Variants in ADAM10 observed in about 807,000 individuals in gnomAD.
The protein encoded by ADAM10 is ADAM metallopeptidase domain 10, also known as disintegrin and metalloproteinase domain-containing protein 10.
Under a neutral mutation model 90.1 loss-of-function variants are expected in ADAM10, and 17 were observed. That is an observed-to-expected ratio of 0.19 (90% CI 0.13 to 0.28). The LOEUF is 0.28. ADAM10 is among the 10% of genes least tolerant of loss of function. The pLI, the probability that ADAM10 is intolerant of heterozygous loss-of-function variation, is 1.00. For missense variants in ADAM10, 610 were observed against 914.3 expected, an observed-to-expected ratio of 0.67 and a Z score of 4.29; for synonymous variants, 310 against 298.6, an observed-to-expected ratio of 1.04 and a Z score of -0.40.
intron 4 of ADAM10, among the ~76,000 whole-genome samples, chr15:58,666,745 C>T (rs1897091002): frequency 6.6e-6 from 1 of 151,960 alleles, no homozygotes; most frequent in Admixed American, 6.6e-5. Context: ...TTTATTTCTT[C>T]GCAAACTGAA....
At chr15:58,738,778 T>C (rs1482746096) in intron 1 of ADAM10, among the ~76,000 whole-genome samples, 1 of 152,260 alleles carries the variant, frequency 6.6e-6, no homozygotes, top group Non-Finnish European at 1.5e-5. Flanking sequence ...GTAAGATTTC[T>C]ATGCTGATTT....
intron 1 of ADAM10, among the ~76,000 whole-genome samples, chr15:58,745,645 G>A (rs143184074): frequency 1.3e-5 from 2 of 152,246 alleles, no homozygotes; most frequent in African/African-American, 2.4e-5. Flanking sequence ...TGGATAAGGG[G>A]TCACAGTCAA....
intron 11 of ADAM10, among the ~76,000 whole-genome samples, chr15:58,614,092 G>C (rs1895531574): frequency 6.6e-6 from 1 of 152,154 alleles, no homozygotes; most frequent in Non-Finnish European, 1.5e-5. Context: ...TGGATCACTT[G>C]TCAGGAGCTT....
At chr15:58,697,338 C>T (rs181392361) in intron 2 of ADAM10, among the ~76,000 whole-genome samples, 5 of 152,188 alleles carry the variant, frequency 3.3e-5, no homozygotes, top group Admixed American at 1.3e-4. Flanking sequence ...CCCTTCCCTC[C>T]CCAGTGGCAG....
At chr15:58,669,953 C>A (rs750616741) in intron 4 of ADAM10, among the ~76,000 whole-genome samples, 1 of 151,888 alleles carries the variant, frequency 6.6e-6, no homozygotes, top group African/African-American at 2.4e-5. Context: ...AAGAGGGTAG[C>A]GGGGAGTAGA....
intron 1 of ADAM10, among the ~76,000 whole-genome samples, chr15:58,729,036 G>A (rs1187110931): frequency 3.3e-5 from 5 of 152,128 alleles, no homozygotes; most frequent in Admixed American, 6.5e-5. Context: ...AAGACCAGAA[G>A]GTCCAATTCA....
In ADAM10 at chr15:58,597,759, G is replaced by T. The variant is rs1595977907; in HGVS notation, c.2153-118C>A. 5 of 1,010,976 alleles carry T rather than the reference G, an allele frequency of 4.9e-6. No homozygotes were observed. In the East Asian group the frequency reaches 1.3e-4, roughly 27 times the overall value. The allele number at this position is 1,010,976 out of a possible 1,614,324, so 62.6% of individuals were successfully genotyped here. On this transcript the variant is annotated intron_variant, in intron 15 of 15. Coordinates refer to ENST00000260408, the MANE Select transcript of ADAM10 (RefSeq NM_001110.4). ...AGTTCAGTGCTGTCCAATAATATGG[G>T]CCATCAATGTAATTTAAAATCTTCT...
In ADAM10 at chr15:58,685,545, AATATATATATATATATATAT is replaced by A. The variant is rs56776777; in HGVS notation, c.207-3251_207-3232del. Among the ~76,000 whole-genome samples the A allele has an allele frequency of 5.7e-3, 664 of 116,222 alleles. 7 individuals are homozygous for A. Among genetic ancestry groups the A allele is most frequent in the Non-Finnish European group, 8.2e-3 (438 of 53,706 alleles). 76.2% of individuals were successfully genotyped at this position (116,222 alleles called of 152,430 possible). A position where few individuals can be genotyped will look rare whatever the true frequency, so the allele number is the denominator to read the frequency against. ...TTTTAAAAACAAGAATATGAAGGAG[AATATATATATATATATATAT>A]ATATATATATATATATATGTATATA... On this transcript the variant is annotated intron_variant, in intron 2 of 15. Coordinates refer to ENST00000260408, the MANE Select transcript of ADAM10 (RefSeq NM_001110.4).
intron 14 of ADAM10, among the ~76,000 whole-genome samples, chr15:58,607,567 T>A (rs1188874186): frequency 1.3e-5 from 2 of 152,192 alleles, no homozygotes; most frequent in African/African-American, 2.4e-5. Context: ...GTGCTCTAAA[T>A]CTTTCATTCA....
chr15:58,702,862 A>G (rs1208651151), intron 2 of ADAM10, among the ~76,000 whole-genome samples: 3 of 152,224 alleles, frequency 2.0e-5, no homozygotes. Flanking sequence ...GGTAAATAGT[A>G]GAAAGAAGCC....
At chr15:58,720,563 G>T (rs1040998095) in intron 1 of ADAM10, among the ~76,000 whole-genome samples, 2 of 151,658 alleles carry the variant, frequency 1.3e-5, no homozygotes, top group African/African-American at 4.8e-5. Flanking sequence ...CACCACGCCC[G>T]GCTAATTTTT....
chr15:58,597,324 A>C lies in ADAM10; in HGVS notation c.*223T>G. ...GCCATTAAGTTAAAAATATCTGTTC[A>C]TAAGAAAATTGGGTTCCTTTTCCAC... On this transcript the variant is annotated 3_prime_UTR_variant, in exon 16 of 16. Coordinates refer to ENST00000260408, the MANE Select transcript of ADAM10 (RefSeq NM_001110.4). 6.8e-7 allele frequency: 1 copy of C among 1,467,594 alleles called. No individual in the cohort carries two copies. The highest frequency in any genetic ancestry group is 9.2e-7 in the Non-Finnish European group (1 of 1,088,800). The allele number at this position is 1,467,594 out of a possible 1,614,324, so 90.9% of individuals were successfully genotyped here.
chr15:58,691,864 C>T (rs1233915068), intron 2 of ADAM10, among the ~76,000 whole-genome samples: 3 of 151,622 alleles, frequency 2.0e-5, no homozygotes, highest in East Asian at 1.9e-4. Flanking sequence ...TTAGTAGAGA[C>T]GGGCTTTCAC....
chr15:58,656,333 A>C (rs777935986), intron 5 of ADAM10, among the ~76,000 whole-genome samples: 1 of 152,112 alleles, frequency 6.6e-6, no homozygotes, highest in Non-Finnish European at 1.5e-5. Flanking sequence ...CTGATAAGTA[A>C]GGACTTACTC....
rs753188320 is a variant in ADAM10 at position 58,589,018 on chromosome 15, A to G, written c.*8529T>C. Reference sequence around the variant, plus strand: ...TATGACGGAAGGAGGTTGTGCTGCCACAGGATTTAGAATGAGATATGTTAA... The same window carrying G: ...TATGACGGAAGGAGGTTGTGCTGCCGCAGGATTTAGAATGAGATATGTTAA... On this transcript the variant is annotated 3_prime_UTR_variant, in exon 16 of 16. Transcript: ENST00000260408. 1 of 152,228 alleles carries G rather than the reference A, an allele frequency of 6.6e-6. No individual in the cohort carries two copies. The highest frequency in any genetic ancestry group is 1.5e-5 in the Non-Finnish European group (1 of 68,040). 9.4% of individuals were successfully genotyped at this position (152,228 alleles called of 1,614,324 possible).
intron 4 of ADAM10, among the ~76,000 whole-genome samples, chr15:58,667,164 T>C (rs1406269574): frequency 2.0e-5 from 3 of 152,180 alleles, no homozygotes; most frequent in African/African-American, 7.2e-5. Context: ...GGGTGTAGAA[T>C]ATTCGGCCTA....
intron 2 of ADAM10, among the ~76,000 whole-genome samples, chr15:58,714,800 C>T (rs1335588200): frequency 6.6e-6 from 1 of 151,706 alleles, no homozygotes; most frequent in Non-Finnish European, 1.5e-5. Context: ...GATAGAAATC[C>T]TGTTAGGAGG....
chr15:58,705,947 T>C (rs533925529), intron 2 of ADAM10, among the ~76,000 whole-genome samples: 5 of 152,336 alleles, frequency 3.3e-5, no homozygotes, highest in Admixed American at 6.5e-5. Context: ...ACCTTTATCA[T>C]AGGTATTTAT....
chr15:58,743,200 G>C (rs1489827734), intron 1 of ADAM10, among the ~76,000 whole-genome samples: 1 of 151,910 alleles, frequency 6.6e-6, no homozygotes, highest in Non-Finnish European at 1.5e-5. Context: ...CTTCGGTGGC[G>C]GGGGGCGGGG....
Sources: allele counts gnomAD v4.1 joint callset (sites outside exome capture counted in the v4.1 genomes callset), GRCh38; gene constraint gnomAD v4.1.1; transcripts MANE v1.5; gene names NCBI Gene and HGNC (gene_info 2026-07-23, HGNC 2026-07-21).